EPC2: variants seen among roughly 807,000 people sequenced by gnomAD.
EPC2 encodes enhancer of polycomb 2.
A neutral mutation model predicts 92.1 loss-of-function variants in EPC2; 14 were observed. The observed-to-expected ratio is 0.15, with a 90% CI of 0.10 to 0.24. EPC2 has a LOEUF of 0.24. EPC2 is among the 10% of genes least tolerant of loss of function. EPC2 has a pLI of 1.00. For missense variants in EPC2, 755 were observed against 971.5 expected (o/e 0.78, Z 2.96); for synonymous variants, 340 against 334.7 (o/e 1.02, Z -0.17).
At chr2:148,774,853 C>T (rs185439517) in intron 10 of EPC2, among the ~76,000 whole-genome samples, 3,844 of 150,868 alleles carry the variant, frequency 0.025, 55 homozygotes, top group East Asian at 0.032. Flanking sequence ...TTTGGGAGGC[C>T]GAGGCAGGCG....
intron 2 of EPC2, among the ~76,000 whole-genome samples, chr2:148,721,109 C>T (rs1472953623): frequency 6.6e-6 from 1 of 151,698 alleles, no homozygotes; most frequent in Non-Finnish European, 1.5e-5. Flanking sequence ...TTTATTTTAC[C>T]CTTTCTCCCC....
intron 2 of EPC2, among the ~76,000 whole-genome samples, chr2:148,733,631 G>C (rs1326193608): frequency 6.6e-6 from 1 of 151,128 alleles, no homozygotes; most frequent in Non-Finnish European, 1.5e-5. Flanking sequence ...CCGGGTAGCT[G>C]GTACTACAGG....
chr2:148,704,542 A>T (rs1193486578), intron 2 of EPC2, among the ~76,000 whole-genome samples: 1 of 152,234 alleles, frequency 6.6e-6, no homozygotes. Flanking sequence ...ACAATAAAAA[A>T]TGAAAAAGGA....
At chr2:148,659,951 A>ACC (rs1680899072) in intron 1 of EPC2, among the ~76,000 whole-genome samples, 1 of 152,060 alleles carries the variant, frequency 6.6e-6, no homozygotes. Context: ...GAAAAATGAA[A>ACC]CCCCAGATTG....
chr2:148,677,058 C>G (rs1681281861), intron 1 of EPC2, among the ~76,000 whole-genome samples: 2 of 152,098 alleles, frequency 1.3e-5, no homozygotes, highest in African/African-American at 4.8e-5. Flanking sequence ...TACCCTTTCC[C>G]CAAAAAAGAC....
Position 148,754,119 on chromosome 2 carries a change from A to T in EPC2, c.652A>T (p.Met218Leu), listed in dbSNP as rs1015041412. ...TGCCTTTCGGAGAAGAACAGAGAAA[A>T]TGCAAACTCGAAAGGTAATGTGCAA... is the stretch of plus-strand genomic sequence containing the variant. The part of the protein sequence containing the change: ...YVAFRRRTEK[M>L]QTRKNRKNDE... Residue 218 changes from methionine to leucine, a missense_variant, in exon 4 of 14, where the codon ATG (methionine) becomes TTG (leucine). By Grantham distance (15) the Met-to-Leu change is conservative. Transcript: ENST00000258484. The T allele has an allele frequency of 1.2e-6, 2 of 1,601,384 alleles. No homozygotes were observed. Among genetic ancestry groups the T allele is most frequent in the Non-Finnish European group, 1.7e-6 (2 of 1,173,816 alleles).
intron 1 of EPC2, among the ~76,000 whole-genome samples, chr2:148,647,122 A>C (rs1683820008): frequency 6.6e-6 from 1 of 152,074 alleles, no homozygotes; most frequent in Admixed American, 6.5e-5. Flanking sequence ...CCAACAACAA[A>C]AAAAAGGAAA....
intron 2 of EPC2, among the ~76,000 whole-genome samples, chr2:148,705,098 T>C (rs1018802678): frequency 1.3e-5 from 2 of 152,100 alleles, no homozygotes; most frequent in African/African-American, 4.8e-5. Context: ...TCATTGTTTA[T>C]CTTTCAAAGA....
rs772398620 is a variant in EPC2 at position 148,753,963 on chromosome 2, G to A, written c.496G>A (p.Glu166Lys). 1.9e-6 allele frequency: 3 copies of A among 1,611,646 alleles called. No homozygotes were observed. The highest frequency in any genetic ancestry group is 2.5e-6 in the Non-Finnish European group (3 of 1,178,918). ...TLQEAKLLLN[E>K]DDYLIKAVYD... ...TCAAGAAGCAAAACTGCTGCTAAACGAAGATGATTACCTTATTAAAGCTGT... is the reference window on the plus strand; with the variant it reads ...TCAAGAAGCAAAACTGCTGCTAAACAAAGATGATTACCTTATTAAAGCTGT... Residue 166 changes from glutamate (E) to lysine (K), a missense_variant, in exon 4 of 14, where the codon GAA (glutamate) becomes AAA (lysine). Physicochemically the swap from Glu to Lys is moderately conservative, Grantham distance 56. This residue lies in a region of EPC2 where 509 missense variants were observed against 607.7 expected (regional missense o/e 0.84). Transcript: ENST00000258484.
rs80215641 is a variant in EPC2, at chr2:148,660,515, A to G, written c.153+15345A>G. Among the ~76,000 whole-genome samples, 10 of 151,816 alleles carry G rather than the reference A, an allele frequency of 6.6e-5. No homozygotes were observed. In the East Asian group the frequency reaches 1.9e-3, roughly 29 times the overall value. Reference sequence around the variant, plus strand: ...CTGTAACTAGTTAGTGGTCTGGTGTATATGTTGACTGTAATCTATTCAGTT... The same window carrying G: ...CTGTAACTAGTTAGTGGTCTGGTGTGTATGTTGACTGTAATCTATTCAGTT... On this transcript the variant is annotated intron_variant, in intron 1 of 13. Coordinates refer to ENST00000258484, the MANE Select transcript of EPC2 (RefSeq NM_015630.4).
At chr2:148,713,382 T>A (rs1240158062) in intron 2 of EPC2, among the ~76,000 whole-genome samples, 2 of 152,190 alleles carry the variant, frequency 1.3e-5, no homozygotes, top group African/African-American at 4.8e-5. Flanking sequence ...GCTTATAGAA[T>A]AAGAATTTAC....
At chr2:148,691,999 A>C (rs191000289) in intron 2 of EPC2, 40 of 355,438 alleles carry the variant, frequency 1.1e-4, no homozygotes, top group South Asian at 8.8e-4. Context: ...ATAGAATTCA[A>C]TAATAGTCAT....
chr2:148,726,750 TTTG>T (rs1399145489), intron 2 of EPC2, among the ~76,000 whole-genome samples: 1 of 147,150 alleles, frequency 6.8e-6, no homozygotes, highest in Non-Finnish European at 1.5e-5. Context: ...GGGTTTTTTT[TTTG>T]TTTTGTTTTT....
chr2:148,740,314 T>C (rs1682857188), intron 2 of EPC2, among the ~76,000 whole-genome samples: 1 of 151,884 alleles, frequency 6.6e-6, no homozygotes, highest in African/African-American at 2.4e-5. Flanking sequence ...TTTACCTCTG[T>C]CTGGTAGAGG....
At chr2:148,697,657 G>C (rs1366416399) in intron 2 of EPC2, among the ~76,000 whole-genome samples, 1 of 152,138 alleles carries the variant, frequency 6.6e-6, no homozygotes, top group Non-Finnish European at 1.5e-5. Context: ...ATTAGAGGGA[G>C]AACCACTAGG....
chr2:148,666,739 A>C (rs898958409), intron 1 of EPC2, among the ~76,000 whole-genome samples: 1 of 152,182 alleles, frequency 6.6e-6, no homozygotes, highest in Non-Finnish European at 1.5e-5. Context: ...TAGAAATGCC[A>C]GTTGTCTGGT....
intron 1 of EPC2, among the ~76,000 whole-genome samples, chr2:148,667,486 A>G (rs1017799450): frequency 2.6e-5 from 4 of 152,158 alleles, no homozygotes; most frequent in African/African-American, 9.7e-5. Flanking sequence ...ATATCCTTCA[A>G]TATTACTAAA....
At position 148,705,130 on chromosome 2, in the gene EPC2, C is replaced by T. The variant is rs1021111965; in HGVS notation, c.313+14757C>T. Among the ~76,000 whole-genome samples the T allele has an allele frequency of 1.4e-4, 22 of 151,916 alleles. 1 individual carries two copies. The highest frequency in any genetic ancestry group is 2.7e-4 in the African/African-American group (11 of 41,460). On this transcript the variant is annotated intron_variant, in intron 2 of 13. Coordinates refer to ENST00000258484, the MANE Select transcript of EPC2 (RefSeq NM_015630.4). Reference sequence around the variant, plus strand: ...AAGAAAAGGACTTGTGTCTTTTTCCCGGCATAACCACAGTACCATTATAAC... The same window carrying T: ...AAGAAAAGGACTTGTGTCTTTTTCCTGGCATAACCACAGTACCATTATAAC...
intron 2 of EPC2, among the ~76,000 whole-genome samples, chr2:148,718,541 C>A (rs1682302876): frequency 6.6e-6 from 1 of 152,236 alleles, no homozygotes; most frequent in South Asian, 2.1e-4. Context: ...AAATTCTTTT[C>A]TTTAAGAATG....
Sources: gnomAD v4.1 joint callset for allele counts (sites outside exome capture counted in the v4.1 genomes callset) on GRCh38, gnomAD v4.1.1 for gene constraint, gnomAD v4.1.1 regional missense constraint, MANE v1.5 for transcripts, NCBI Gene and HGNC (gene_info 2026-07-23, HGNC 2026-07-21) for gene names.